Variants in KIRREL2 observed in about 807,000 individuals in gnomAD.
KIRREL2 encodes kirre like nephrin family adhesion molecule 2.
In KIRREL2, 56 loss-of-function variants were observed where a neutral mutation model predicts 73.4. That is an observed-to-expected ratio of 0.76 (90% CI 0.62 to 0.95). The LOEUF (loss-of-function observed/expected upper bound fraction) is 0.95. KIRREL2 is among the 40% of genes least tolerant of loss of function. The pLI, the probability that KIRREL2 is intolerant of heterozygous loss-of-function variation, is 0.00. For synonymous variants in KIRREL2, 407 were observed against 404.0 expected (o/e 1.01, Z -0.09); for missense variants, 896 against 935.0 (o/e 0.96, Z 0.54).
intron 14 of KIRREL2, 60 bp downstream of exon 14, chr19:35,864,773 T>C: frequency 7.5e-7 from 1 of 1,324,928 alleles, no homozygotes; most frequent in Non-Finnish European, 1.1e-6. Context: ...CTCCCTTCAT[T>C]GTGTTTCCGT....
chr19:35,853,753 C>A (rs1485704874), upstream of KIRREL2, among the ~76,000 whole-genome samples: 1 of 151,752 alleles, frequency 6.6e-6, no homozygotes, highest in Admixed American at 6.6e-5. Flanking sequence ...CTCATTGAAG[C>A]CTCAAACCTC....
In KIRREL2 at chr19:35,857,533, G is replaced by C. The variant is rs199714501; in HGVS notation, c.211+39G>C. ...CTCCACGCTGGGACGGGCTGGCTAG[G>C]GGGAGAGTTGCTGGGCTCGGCTGTA... On this transcript the variant is annotated intron_variant, in intron 2 of 14. Transcript: ENST00000360202. 1.6e-5 allele frequency: 24 copies of C among 1,502,922 alleles called. No homozygotes were observed. In the South Asian group the frequency reaches 3.0e-4, roughly 19 times the overall value. The allele number at this position is 1,502,922 out of a possible 1,614,324, so 93.1% of individuals were successfully genotyped here.
chr19:35,861,282 C>A (rs748324934), intron 9 of KIRREL2, 28 bp downstream of exon 9: 2 of 1,514,678 alleles, frequency 1.3e-6, no homozygotes, highest in Non-Finnish European at 1.8e-6. Context: ...CCTAGGGGAC[C>A]TGGCCCGTCC....
intron 4 of KIRREL2, among the ~76,000 whole-genome samples, chr19:35,859,208 A>G (rs1973557793): frequency 6.6e-6 from 1 of 152,250 alleles, no homozygotes; most frequent in Non-Finnish European, 1.5e-5. Context: ...TGACCAATAC[A>G]TAGTGAGCAC....
At position 35,866,405 on chromosome 19, in the gene KIRREL2, G is replaced by A. The variant is rs1329824209; in HGVS notation, c.2040G>A (p.Gly680=). Residue 680 remains glycine (G), a synonymous_variant, in exon 15 of 15, where the codon GGG becomes GGA. Coordinates refer to ENST00000360202, the MANE Select transcript of KIRREL2 (RefSeq NM_199180.4). Reference sequence around the variant, plus strand: ...GCTACATCAAACCCACATCCTTTGGGCCCCCAGATCTGGCCCCCGGGACTC... The same window carrying A: ...GCTACATCAAACCCACATCCTTTGGACCCCCAGATCTGGCCCCCGGGACTC... The part of the protein sequence containing the change: ...FTSYIKPTSF[G]PPDLAPGTPP... The A allele has an allele frequency of 1.2e-6, 2 of 1,612,676 alleles. No individual in the cohort carries two copies. The highest frequency in any genetic ancestry group is 8.5e-7 in the Non-Finnish European group (1 of 1,179,208).
chr19:35,862,816 A>G, intron 12 of KIRREL2, 111 bp from the exon 13 acceptor site: 5 of 731,788 alleles, frequency 6.8e-6, no homozygotes, highest in Non-Finnish European at 1.2e-5. Flanking sequence ...GGTTTCCAAC[A>G]GCCCTACCCA....
upstream of KIRREL2, among the ~76,000 whole-genome samples, chr19:35,854,302 C>T (rs1309854904): frequency 3.3e-5 from 5 of 151,732 alleles, no homozygotes; most frequent in Non-Finnish European, 7.4e-5. Flanking sequence ...CTTGATTTAT[C>T]TTTCTTTTTT....
At chr19:35,854,084 A>T (rs1314040559), upstream of KIRREL2, among the ~76,000 whole-genome samples, 1 of 151,996 alleles carries the variant, frequency 6.6e-6, no homozygotes, top group Non-Finnish European at 1.5e-5. Flanking sequence ...ACCTCAGGTA[A>T]CCCACCTGCC....
Position 35,861,907 on chromosome 19 carries a change from C to T in KIRREL2, c.1393C>T (p.Leu465=). 1 of 1,609,562 alleles carries T rather than the reference C, an allele frequency of 6.2e-7. No homozygotes were observed. The highest frequency in any genetic ancestry group is 8.5e-7 in the Non-Finnish European group (1 of 1,178,300). ...PESRGGLGPG[L]ISVLHISGTQ... ...GAGCCGCGGGGGACTGGGTCCGGGCCTGATCTCTGTGCTACACATTTCGGG... is the reference window on the plus strand; with the variant it reads ...GAGCCGCGGGGGACTGGGTCCGGGCTTGATCTCTGTGCTACACATTTCGGG... The change falls in exon 11 of 15, where the codon CTG becomes TTG. Residue 465 remains leucine, a synonymous_variant. Transcript: ENST00000360202.
At chr19:35,862,106 A>T (rs1973722148) in intron 11 of KIRREL2, 82 bp downstream of exon 11, 1 of 1,206,922 alleles carries the variant, frequency 8.3e-7, no homozygotes, top group Non-Finnish European at 1.2e-6. Flanking sequence ...GGGCTGCAAA[A>T]CCTCATACCC....
chr19:35,860,550 GC>G lies in KIRREL2; in HGVS notation c.814del (p.Arg272AlafsTer5). ...AAAAGGGGGCTCTCCGGTGCTCGGG[GC>G]CCGCGGGCCAAGGTTAGAGGTCGTG... ...WAKGGSPVLG[A>X]RGPRLEVVAD... On this transcript the variant is annotated frameshift_variant, in exon 7 of 15. Coordinates refer to ENST00000360202, the MANE Select transcript of KIRREL2 (RefSeq NM_199180.4). LOFTEE classifies it high-confidence loss of function. The G allele has an allele frequency of 6.2e-7, 1 of 1,603,222 alleles. No individual in the cohort carries two copies. The highest frequency in any genetic ancestry group is 8.5e-7 in the Non-Finnish European group (1 of 1,179,954).
intron 7 of KIRREL2, 42 bp downstream of exon 7, chr19:35,860,709 T>C: frequency 6.3e-7 from 1 of 1,597,038 alleles, no homozygotes; most frequent in East Asian, 2.2e-5. Flanking sequence ...AAGGTGGCCG[T>C]GGCTTTCAGG....
chr19:35,860,364 G>T lies in KIRREL2; in HGVS notation c.741G>T (p.Leu247=). 1 of 1,613,892 alleles carries T rather than the reference G, an allele frequency of 6.2e-7. No homozygotes were observed. Among genetic ancestry groups the T allele is most frequent in the Non-Finnish European group, 8.5e-7 (1 of 1,180,020 alleles). Residue 247 remains leucine (L), a synonymous_variant, in exon 6 of 15, where the codon CTG becomes CTT. Coordinates refer to ENST00000360202, the MANE Select transcript of KIRREL2 (RefSeq NM_199180.4). The part of the protein sequence containing the change: ...TVQEGEKVIF[L]CQATAQPPVT... Reference sequence around the variant, plus strand: ...AGGAGGGAGAGAAGGTCATTTTCCTGTGCCAGGCCACAGCCCAGCCTCCTG... The same window carrying T: ...AGGAGGGAGAGAAGGTCATTTTCCTTTGCCAGGCCACAGCCCAGCCTCCTG...
In KIRREL2 at chr19:35,862,910, C is replaced by A; in HGVS notation, c.1616-17C>A. 1 of 1,498,872 alleles carries A rather than the reference C, an allele frequency of 6.7e-7. No homozygotes were observed. The highest frequency in any genetic ancestry group is 2.4e-5 in the East Asian group (1 of 41,342). The allele number at this position is 1,498,872 out of a possible 1,614,324, so 92.8% of individuals were successfully genotyped here. On this transcript the variant is annotated splice_polypyrimidine_tract_variant and intron_variant, in intron 12 of 14. Coordinates refer to ENST00000360202, the MANE Select transcript of KIRREL2 (RefSeq NM_199180.4). The stretch of plus-strand genomic sequence containing the variant: ...GACCCCGCCCATCGCTTAACTCCAC[C>A]GGTCGCTGTTTGTCAGCCTCAGCCT...
Position 35,866,137 on chromosome 19 carries a change from A to G in KIRREL2, c.1792-20A>G, listed in dbSNP as rs200758254. ...CCCTGCACGCTCACAGACTTTACTGAGTCCCATTTGTCCCCTCAGGACCCA... is the reference window on the plus strand; with the variant it reads ...CCCTGCACGCTCACAGACTTTACTGGGTCCCATTTGTCCCCTCAGGACCCA... On this transcript the variant is annotated intron_variant, in intron 14 of 14. Transcript: ENST00000360202. 1.0e-5 allele frequency: 16 copies of G among 1,590,534 alleles called. No individual in the cohort carries two copies. The East Asian group carries it at 3.6e-4, about 36-fold the overall frequency.
At chr19:35,859,350 G>T in intron 4 of KIRREL2, 131 bp from the exon 5 acceptor site, 1 of 744,830 alleles carries the variant, frequency 1.3e-6, no homozygotes, top group Non-Finnish European at 2.1e-6. Context: ...TAATTTTTTA[G>T]CTCATCAGCT....
chr19:35,864,651 C>T lies in KIRREL2; in HGVS notation c.1729C>T (p.Pro577Ser). 1 of 1,612,646 alleles carries T rather than the reference C, an allele frequency of 6.2e-7. No homozygotes were observed. The highest frequency in any genetic ancestry group is 8.5e-7 in the Non-Finnish European group (1 of 1,178,776). The stretch of plus-strand genomic sequence containing the variant: ...CTCACTAAGTTCCCTACCCCAGGGC[C>T]CCATTGTGCACACTGACCACAGTGA... ...EETGSREDRGPIVHTDHSDLV... is the reference protein window; with the variant it reads ...EETGSREDRGSIVHTDHSDLV... The change falls in exon 14 of 15, where the codon CCC (proline) becomes TCC (serine). Residue 577 changes from proline to serine, a missense_variant. Coordinates refer to ENST00000360202, the MANE Select transcript of KIRREL2 (RefSeq NM_199180.4).
chr19:35,857,323 C>G (rs1973464448), intron 1 of KIRREL2, 22 bp from the exon 2 acceptor site: 2 of 1,611,930 alleles, frequency 1.2e-6, no homozygotes, highest in African/African-American at 1.3e-5. Context: ...AAGCTCAGCC[C>G]TGCTGCCCCG....
chr19:35,858,504 G>A lies in KIRREL2; in HGVS notation c.308G>A (p.Cys103Tyr). Residue 103 changes from cysteine (C) to tyrosine (Y), a missense_variant, in exon 3 of 15, where the codon TGT becomes TAT. Transcript: ENST00000360202. ...CTAGAGGATGAAGCATCATATGAAT[G>A]TCAGGCTACACAAGCAGGCCTCCGC... Reference protein sequence around the residue: ...VELEDEASYECQATQAGLRSR... With the variant: ...VELEDEASYEYQATQAGLRSR... 6.2e-7 allele frequency: 1 copy of A among 1,614,170 alleles called. No individual in the cohort carries two copies. The highest frequency in any genetic ancestry group is 8.5e-7 in the Non-Finnish European group (1 of 1,180,038).
Sources: allele counts gnomAD v4.1 joint callset (sites outside exome capture counted in the v4.1 genomes callset), GRCh38; gene constraint gnomAD v4.1.1; transcripts MANE v1.5; gene names NCBI Gene and HGNC (gene_info 2026-07-23, HGNC 2026-07-21).